SSR3: variants seen among roughly 807,000 people sequenced by gnomAD.
SSR3 encodes the protein translocon-associated protein subunit gamma.
Under a neutral mutation model 22.1 loss-of-function variants are expected in SSR3, and 10 were observed. The ratio of observed to expected loss-of-function variants is 0.45; its 90% CI spans 0.28 to 0.77. SSR3 has a LOEUF of 0.77. Ranked by LOEUF, SSR3 falls within the 30% of genes least tolerant of loss-of-function variation. SSR3 has a pLI of 0.13. For missense variants in SSR3, 181 were observed against 220.5 expected (o/e 0.82, Z 1.13); for synonymous variants, 104 against 82.5 (o/e 1.26, Z -1.42).
At chr3:156,544,271 G>A in intron 4 of SSR3, 37 bp downstream of exon 4, 2 of 1,475,404 alleles carry the variant, frequency 1.4e-6, no homozygotes, top group South Asian at 1.5e-5. Context: ...ACTGTTTCTT[G>A]ACTTCTAAAA....
intron 2 of SSR3, among the ~76,000 whole-genome samples, chr3:156,550,521 C>T (rs1298714713): frequency 1.3e-5 from 2 of 152,172 alleles, no homozygotes; most frequent in Admixed American, 1.3e-4. Flanking sequence ...TGTCTTAGAG[C>T]TCTCAGAAAA....
rs374738894 is a variant in SSR3, at chr3:156,553,800, G to A, written c.134-19C>T. The stretch of plus-strand genomic sequence containing the variant: ...TATAACCCTGAATTAAAATAAAAGG[G>A]GGAAGGGTACAAAAAGAAGCAAAAC... On this transcript the variant is annotated intron_variant, in intron 1 of 4. Transcript: ENST00000265044. The A allele has an allele frequency of 1.3e-6, 2 of 1,580,504 alleles. No homozygotes were observed. Among genetic ancestry groups the A allele is most frequent in the South Asian group, 1.2e-5 (1 of 84,574 alleles).
rs1440046024 is a variant in SSR3 at position 156,544,206 on chromosome 3, AG to A, written c.491+101del. 14 of 1,076,182 alleles carry A rather than the reference AG, an allele frequency of 1.3e-5. No homozygotes were observed. In the East Asian group the frequency reaches 3.6e-4, roughly 28 times the overall value. 66.7% of individuals were successfully genotyped at this position (1,076,182 alleles called of 1,614,324 possible). A position where few individuals can be genotyped will look rare whatever the true frequency, so the allele number is the denominator to read the frequency against. On this transcript the variant is annotated intron_variant, in intron 4 of 4. Transcript: ENST00000265044. ...AGCACTATTTAATGGACTGACTCCC[AG>A]AGCAGTTTTTCTTTCCACTAAAATA...
intron 3 of SSR3, among the ~76,000 whole-genome samples, chr3:156,546,475 C>T (rs1027940431): frequency 1.3e-5 from 2 of 152,164 alleles, no homozygotes; most frequent in Non-Finnish European, 2.9e-5. Flanking sequence ...TGGCCCAATC[C>T]TTTAGATTTC....
In SSR3 at chr3:156,555,048, G is replaced by T; in HGVS notation, c.42C>A (p.Asp14Glu). Reference sequence around the variant, plus strand: ...TGCGGCTGAAATCCTGCAGGAGCAGGTCCTCCTCAGACTGCTGTTTGGAGC... The same window carrying T: ...TGCGGCTGAAATCCTGCAGGAGCAGTTCCTCCTCAGACTGCTGTTTGGAGC... Reference protein sequence around the residue: ...KGSSKQQSEEDLLLQDFSRNL... With the variant: ...KGSSKQQSEEELLLQDFSRNL... The change falls in exon 1 of 5, where the codon GAC (aspartate) becomes GAA (glutamate). Residue 14 changes from aspartate to glutamate, a missense_variant. Coordinates refer to ENST00000265044, the MANE Select transcript of SSR3 (RefSeq NM_007107.5). 1 of 1,614,030 alleles carries T rather than the reference G, an allele frequency of 6.2e-7. No homozygotes were observed. Among genetic ancestry groups the T allele is most frequent in the Non-Finnish European group, 8.5e-7 (1 of 1,179,958 alleles).
At chr3:156,553,201 T>A (rs971165837) in intron 2 of SSR3, among the ~76,000 whole-genome samples, 6 of 152,136 alleles carry the variant, frequency 3.9e-5, no homozygotes, top group African/African-American at 1.4e-4. Flanking sequence ...GAGGCTGCAG[T>A]GAACCATAAT....
intron 3 of SSR3, among the ~76,000 whole-genome samples, chr3:156,546,314 TGTAA>T (rs1719759764): frequency 6.6e-6 from 1 of 152,264 alleles, no homozygotes; most frequent in African/African-American, 2.4e-5. Flanking sequence ...CCACCATGAT[TGTAA>T]GTTTTTTGAG....
At chr3:156,548,270 C>A (rs973010776) in intron 3 of SSR3, among the ~76,000 whole-genome samples, 1 of 152,158 alleles carries the variant, frequency 6.6e-6, no homozygotes, top group African/African-American at 2.4e-5. Context: ...AAAATTGGGA[C>A]TAGGGGTTAA....
At chr3:156,544,716 C>CG (rs1247760648) in intron 3 of SSR3, among the ~76,000 whole-genome samples, 1 of 152,144 alleles carries the variant, frequency 6.6e-6, no homozygotes, top group East Asian at 1.9e-4. Flanking sequence ...AATGGCAACC[C>CG]GCACGGTTTC....
chr3:156,550,105 T>C (rs1004364860), intron 2 of SSR3, among the ~76,000 whole-genome samples: 3 of 152,220 alleles, frequency 2.0e-5, no homozygotes, highest in Admixed American at 1.3e-4. Flanking sequence ...TGAGAACAGA[T>C]TGTGAGAACA....
intron 2 of SSR3, chr3:156,551,493 G>C (rs1368413609): frequency 1.3e-5 from 2 of 148,766 alleles, no homozygotes; most frequent in Admixed American, 6.7e-5. Context: ...CTGAATCCTG[G>C]AATAGCAGCT....
chr3:156,548,417 A>T (rs1317617060), intron 3 of SSR3, among the ~76,000 whole-genome samples: 5 of 152,216 alleles, frequency 3.3e-5, no homozygotes, highest in Non-Finnish European at 7.3e-5. Flanking sequence ...ATGCTAACAC[A>T]TAAACCCTTC....
intron 2 of SSR3, 149 bp downstream of exon 2, chr3:156,553,506 T>A (rs764707670): frequency 6.6e-6 from 5 of 760,146 alleles, no homozygotes; most frequent in Non-Finnish European, 9.8e-6. Context: ...TAATTCTTCC[T>A]AGCATCAATG....
intron 3 of SSR3, among the ~76,000 whole-genome samples, chr3:156,547,923 A>G (rs1242497165): frequency 6.6e-6 from 1 of 152,222 alleles, no homozygotes; most frequent in African/African-American, 2.4e-5. Flanking sequence ...ACTCTAAGGT[A>G]CTTGCTCATC....
chr3:156,541,966 CAT>C lies in SSR3; in HGVS notation c.*1235_*1236del, dbSNP rs900561779. The stretch of plus-strand genomic sequence containing the variant: ...AAATTATAAAGAAAACAACTAATAA[CAT>C]GTATGAAATTCACATTAAATTTAGA... On this transcript the variant is annotated 3_prime_UTR_variant, in exon 5 of 5. Transcript: ENST00000265044. The C allele has an allele frequency of 6.6e-6, 1 of 152,142 alleles. No homozygotes were observed. Among genetic ancestry groups the C allele is most frequent in the Non-Finnish European group, 1.5e-5 (1 of 68,038 alleles). The allele number at this position is 152,142 out of a possible 1,614,324, so 9.4% of individuals were successfully genotyped here.
intron 2 of SSR3, among the ~76,000 whole-genome samples, chr3:156,552,508 T>C (rs1310535127): frequency 2.0e-5 from 3 of 152,104 alleles, no homozygotes; most frequent in Non-Finnish European, 4.4e-5. Flanking sequence ...AAAGACCAGA[T>C]GGAGGTTGTT....
intron 4 of SSR3, 94 bp downstream of exon 4, chr3:156,544,212 GTT>G (rs1719676530): frequency 8.2e-7 from 1 of 1,225,268 alleles, no homozygotes; most frequent in African/African-American, 1.6e-5. Flanking sequence ...TCCCAGAGCA[GTT>G]TTTCTTTCCA....
chr3:156,544,047 T>C (rs1576998785), intron 4 of SSR3: 1 of 387,572 alleles, frequency 2.6e-6, no homozygotes. Context: ...TTGGAGCTTT[T>C]TTTTAAGGAG....
At chr3:156,545,389 T>C (rs74511485) in intron 3 of SSR3, among the ~76,000 whole-genome samples, 1,635 of 152,258 alleles carry the variant, frequency 0.011, 25 homozygotes, top group African/African-American at 0.038. Flanking sequence ...AAAGGTAAAA[T>C]ACATATTTTT....
Sources: gnomAD v4.1 joint callset for allele counts (sites outside exome capture counted in the v4.1 genomes callset) on GRCh38, gnomAD v4.1.1 for gene constraint, MANE v1.5 for transcripts, NCBI Gene and HGNC (gene_info 2026-07-23, HGNC 2026-07-21) for gene names.